Variants in MYO3B observed in about 807,000 individuals in gnomAD.
The protein encoded by MYO3B is myosin-IIIb.
Under a neutral mutation model 174.6 loss-of-function variants are expected in MYO3B, and 156 were observed. That is an observed-to-expected ratio of 0.89 (90% CI 0.78 to 1.02). The LOEUF is 1.02. MYO3B is among the 50% of genes least tolerant of loss of function. The probability of loss-of-function intolerance (pLI) is 0.00; values close to 1 mark genes in which losing one functional copy is unlikely to be tolerated. For missense variants in MYO3B, 1,632 were observed against 1,639.4 expected (o/e 1.00, Z 0.08); for synonymous variants, 563 against 569.1 (o/e 0.99, Z 0.15).
At chr2:170,208,031 T>C (rs11904025) in intron 3 of MYO3B, among the ~76,000 whole-genome samples, 93,440 of 152,046 alleles carry the variant, frequency 0.61, 29,697 homozygotes, top group African/African-American at 0.8. Context: ...CTTTGAATTC[T>C]CTAGACCTCA....
chr2:170,555,051 ATGTTTG>A (rs1691189320), intron 32 of MYO3B, among the ~76,000 whole-genome samples: 1 of 151,202 alleles, frequency 6.6e-6, no homozygotes, highest in Non-Finnish European at 1.5e-5. Context: ...TCTTCTTTTT[ATGTTTG>A]TTTGTTTTCT....
At chr2:170,516,508 C>T (rs763486085) in intron 29 of MYO3B, among the ~76,000 whole-genome samples, 7 of 151,806 alleles carry the variant, frequency 4.6e-5, no homozygotes, top group Admixed American at 2.0e-4. Flanking sequence ...GCGGGCATGG[C>T]GGCAGGCACC....
intron 22 of MYO3B, among the ~76,000 whole-genome samples, chr2:170,416,541 A>AG (rs2094580073): frequency 6.6e-6 from 1 of 151,142 alleles, no homozygotes; most frequent in South Asian, 2.1e-4. Flanking sequence ...AAAAAAAAAA[A>AG]AAGATACCAA....
chr2:170,382,856 G>C (rs1438575533), intron 10 of MYO3B: 1 of 433,136 alleles, frequency 2.3e-6, no homozygotes, highest in African/African-American at 2.0e-5. Flanking sequence ...TCCTAAGTGG[G>C]CCTAATTCTT....
At chr2:170,565,096 C>T (rs6735844) in intron 32 of MYO3B, among the ~76,000 whole-genome samples, 29,107 of 152,068 alleles carry the variant, frequency 0.19, 3,290 homozygotes, top group Non-Finnish European at 0.26. Flanking sequence ...TGACTCCATG[C>T]AAAAATGTTC....
At chr2:170,364,203 A>G (rs1437006458) in intron 8 of MYO3B, among the ~76,000 whole-genome samples, 1 of 152,172 alleles carries the variant, frequency 6.6e-6, no homozygotes, top group African/African-American at 2.4e-5. Context: ...TTCCAAGGAT[A>G]TCATTTGTGG....
intron 30 of MYO3B, chr2:170,524,458 C>G: frequency 2.4e-6 from 1 of 422,336 alleles, no homozygotes. Context: ...GGTTCATTAG[C>G]AATTTCCTGG....
chr2:170,228,960 C>CAAAAAAAAAAAA (rs539746576), intron 6 of MYO3B, among the ~76,000 whole-genome samples: 3 of 98,326 alleles, frequency 3.1e-5, no homozygotes, highest in Non-Finnish European at 2.2e-5. Flanking sequence ...ATTCCCTTTA[C>CAAAAAAAAAAAA]AAAAAAAAAA....
intron 8 of MYO3B, among the ~76,000 whole-genome samples, chr2:170,357,008 C>G (rs1235495391): frequency 6.6e-6 from 1 of 152,098 alleles, no homozygotes; most frequent in African/African-American, 2.4e-5. Context: ...GTCTCTAACT[C>G]CTGGGCTCAA....
intron 9 of MYO3B, among the ~76,000 whole-genome samples, chr2:170,375,416 C>A (rs2094284451): frequency 6.6e-6 from 1 of 152,056 alleles, no homozygotes; most frequent in African/African-American, 2.4e-5. Context: ...CGTGCCCCTG[C>A]AGGTGGCTTG....
chr2:170,484,147 A>C (rs567411374), intron 25 of MYO3B, among the ~76,000 whole-genome samples: 1 of 152,180 alleles, frequency 6.6e-6, no homozygotes, highest in Non-Finnish European at 1.5e-5. Context: ...TTGAGAACCT[A>C]CTGATGGTGG....
chr2:170,307,448 CA>C (rs1249511539), intron 7 of MYO3B, among the ~76,000 whole-genome samples: 5 of 152,122 alleles, frequency 3.3e-5, no homozygotes, highest in Non-Finnish European at 7.3e-5. Flanking sequence ...GTTTTATTCT[CA>C]ATGCTACCTT....
chr2:170,530,902 C>T (rs1031920841), intron 30 of MYO3B, among the ~76,000 whole-genome samples: 2 of 152,156 alleles, frequency 1.3e-5, no homozygotes, highest in African/African-American at 4.8e-5. Context: ...ACAGTGGAAG[C>T]CACAGCCTTG....
intron 25 of MYO3B, among the ~76,000 whole-genome samples, chr2:170,490,405 CCTTGCTAAATTCA>C (rs1686393196): frequency 6.6e-6 from 1 of 152,176 alleles, no homozygotes; most frequent in Non-Finnish European, 1.5e-5. Flanking sequence ...TATCCTAAAG[CCTTGCTAAATTCA>C]CTTACTAGTT....
intron 1 of MYO3B, among the ~76,000 whole-genome samples, chr2:170,198,289 C>T (rs1409441868): frequency 1.3e-5 from 2 of 152,256 alleles, no homozygotes; most frequent in East Asian, 1.9e-4. Flanking sequence ...CTAGTTAATG[C>T]GTATTTCTCT....
At chr2:170,530,037 TAAG>T (rs1372929609) in intron 30 of MYO3B, among the ~76,000 whole-genome samples, 2 of 152,220 alleles carry the variant, frequency 1.3e-5, no homozygotes, top group African/African-American at 4.8e-5. Context: ...CACCTTAAAT[TAAG>T]AAGAAACTGG....
chr2:170,498,416 G>A (rs1687018037), intron 25 of MYO3B, among the ~76,000 whole-genome samples, 176 bp from the exon 26 acceptor site: 1 of 152,126 alleles, frequency 6.6e-6, no homozygotes, highest in Non-Finnish European at 1.5e-5. Context: ...TGAAAGTAGG[G>A]AAGAGCCAAG....
rs144888777 is a variant in MYO3B at position 170,541,535 on chromosome 2, C to T, written c.3576-1371C>T. On this transcript the variant is annotated intron_variant, in intron 30 of 34. Transcript: ENST00000408978. ...ATAGATACAATTAAAGTACTTAGAC[C>T]AAATGGTTGTGAAGCTTTCTTAAAT... Among the ~76,000 whole-genome samples, 779 of 152,180 alleles carry T rather than the reference C, an allele frequency of 5.1e-3. 13 individuals are homozygous for T. Among genetic ancestry groups the T allele is most frequent in the African/African-American group, 0.018 (736 of 41,508 alleles).
At chr2:170,503,052 T>C (rs1293178834) in intron 28 of MYO3B, among the ~76,000 whole-genome samples, 1 of 152,208 alleles carries the variant, frequency 6.6e-6, no homozygotes, top group Non-Finnish European at 1.5e-5. Flanking sequence ...GAACTCAAAG[T>C]GCATCATTTG....
Sources: allele counts gnomAD v4.1 joint callset (sites outside exome capture counted in the v4.1 genomes callset), GRCh38; gene constraint gnomAD v4.1.1; transcripts MANE v1.5; gene names NCBI Gene and HGNC (gene_info 2026-07-23, HGNC 2026-07-21).